YWHAQ: variants seen among roughly 807,000 people sequenced by gnomAD.
YWHAQ encodes 14-3-3 protein theta.
In YWHAQ, 6 loss-of-function variants were observed where a neutral mutation model predicts 28.3. The observed-to-expected ratio is 0.21, with a 90% CI of 0.12 to 0.42. YWHAQ has a LOEUF of 0.42. Among genes scored for constraint, YWHAQ ranks in the 10% least tolerant of loss-of-function variants. YWHAQ has a pLI of 1.00. For missense variants in YWHAQ, 201 were observed against 305.6 expected (o/e 0.66, Z 2.55); for synonymous variants, 143 against 119.1 (o/e 1.20, Z -1.31).
chr2:9,622,624 A>G (rs1378393631), intron 2 of YWHAQ, among the ~76,000 whole-genome samples: 6 of 152,236 alleles, frequency 3.9e-5, no homozygotes, highest in African/African-American at 1.4e-4. Context: ...GGGAATTTTA[A>G]AGGTACACAG....
At chr2:9,618,759 C>T (rs943178518) in intron 2 of YWHAQ, among the ~76,000 whole-genome samples, 1 of 151,774 alleles carries the variant, frequency 6.6e-6, no homozygotes, top group African/African-American at 2.4e-5. Context: ...AGCAATCCTC[C>T]CGTGTTAGCC....
chr2:9,617,822 G>A (rs894091058), intron 2 of YWHAQ, among the ~76,000 whole-genome samples: 7 of 151,964 alleles, frequency 4.6e-5, no homozygotes, highest in African/African-American at 1.5e-4. Context: ...AGCTATTTGG[G>A]AGGCTGAAGT....
rs1267913356 is a variant in YWHAQ at position 9,584,505 on chromosome 2, T to C, written c.*781A>G. 6.5e-6 allele frequency: 1 copy of C among 152,678 alleles called. No individual in the cohort carries two copies. The highest frequency in any genetic ancestry group is 1.5e-5 in the Non-Finnish European group (1 of 68,048). 9.5% of individuals were successfully genotyped at this position (152,678 alleles called of 1,614,324 possible). A position where few individuals can be genotyped will look rare whatever the true frequency, so the allele number is the denominator to read the frequency against. The stretch of plus-strand genomic sequence containing the variant: ...ACTTTAATTTATTTCCCCTTTCTAG[T>C]GTATTAAGAAATGACATGCACTTTA... On this transcript the variant is annotated 3_prime_UTR_variant, in exon 6 of 6. Transcript: ENST00000238081.
chr2:9,592,441 T>G (rs1304147611), intron 2 of YWHAQ, among the ~76,000 whole-genome samples: 1 of 152,042 alleles, frequency 6.6e-6, no homozygotes, highest in Non-Finnish European at 1.5e-5. Context: ...AAAACCTTTT[T>G]AGGGCCGGGC....
intron 2 of YWHAQ, among the ~76,000 whole-genome samples, chr2:9,606,863 C>T (rs1666840379): frequency 6.6e-6 from 1 of 151,738 alleles, no homozygotes; most frequent in South Asian, 2.1e-4. Context: ...GCCTGTCTGG[C>T]AACACAACTG....
intron 2 of YWHAQ, among the ~76,000 whole-genome samples, chr2:9,613,127 A>G (rs906228104): frequency 6.6e-6 from 1 of 152,214 alleles, no homozygotes; most frequent in African/African-American, 2.4e-5. Context: ...TCCTGATAAG[A>G]AGAGGGAAAA....
intron 2 of YWHAQ, among the ~76,000 whole-genome samples, chr2:9,601,040 T>C (rs540348660): frequency 2.0e-5 from 3 of 152,388 alleles, no homozygotes; most frequent in Non-Finnish European, 2.9e-5. Flanking sequence ...ACTTGCTTTA[T>C]TGAGATAATT....
At chr2:9,585,434 G>C in intron 5 of YWHAQ, 89 bp from the exon 6 acceptor site, 1 of 1,424,160 alleles carries the variant, frequency 7.0e-7, no homozygotes, top group Non-Finnish European at 9.8e-7. Flanking sequence ...AACTACAAGA[G>C]TAGTAAATTC....
intron 2 of YWHAQ, among the ~76,000 whole-genome samples, chr2:9,600,207 T>C (rs1666661270): frequency 1.3e-5 from 2 of 152,198 alleles, no homozygotes; most frequent in East Asian, 3.9e-4. Context: ...TTGCTTCTCA[T>C]GGATGAGCAA....
chr2:9,597,646 A>G (rs1666599933), intron 2 of YWHAQ, among the ~76,000 whole-genome samples: 1 of 151,300 alleles, frequency 6.6e-6, no homozygotes, highest in South Asian at 2.1e-4. Flanking sequence ...AAAAAAAAAA[A>G]AAAAAAAGAA....
chr2:9,589,238 T>G (rs145933139), intron 3 of YWHAQ, among the ~76,000 whole-genome samples: 38 of 152,328 alleles, frequency 2.5e-4, no homozygotes, highest in African/African-American at 8.7e-4. Context: ...TAAAACTATT[T>G]TCTTATTTTA....
At chr2:9,585,912 CAAAAA>C (rs34640890) in intron 5 of YWHAQ, among the ~76,000 whole-genome samples, 11 of 122,116 alleles carry the variant, frequency 9.0e-5, no homozygotes, top group Non-Finnish European at 6.9e-5. Flanking sequence ...GATCCTTTCT[CAAAAA>C]AAAAAAAAAA....
At chr2:9,597,902 C>T (rs1666607627) in intron 2 of YWHAQ, among the ~76,000 whole-genome samples, 1 of 151,298 alleles carries the variant, frequency 6.6e-6, no homozygotes, top group South Asian at 2.1e-4. Flanking sequence ...TCACCGCAAC[C>T]TCTGCCTCCC....
At chr2:9,602,829 TAAAAAAAAAAAAAAAAAAAAAAAAAAAAA>T (rs869073430) in intron 2 of YWHAQ, among the ~76,000 whole-genome samples, 24 of 37,218 alleles carry the variant, frequency 6.4e-4, no homozygotes, top group African/African-American at 2.0e-3. Flanking sequence ...ATGCCTAATT[TAAAAAAAAAAAAAAAAAAAAAAAAAAAAA>T]AAAAATATAT....
chr2:9,630,321 G>A lies in YWHAQ; in HGVS notation c.132C>T (p.Leu44=), dbSNP rs1206553784. 3.1e-6 allele frequency: 5 copies of A among 1,614,176 alleles called. No homozygotes were observed. The highest frequency in any genetic ancestry group is 2.2e-5 in the South Asian group (2 of 91,088). Residue 44 remains leucine, a synonymous_variant, in exon 2 of 6, where the codon CTC becomes CTT. Transcript: ENST00000238081. The surrounding 1 kb of genome is among the most constrained non-coding windows in gnomAD (Gnocchi z 5.6). ...AELSNEERNL[L]SVAYKNVVGG... ...CGACCACGTTCTTGTAGGCCACGGAGAGCAGGTTGCGCTCCTCGTTGGACA... is the reference window on the plus strand; with the variant it reads ...CGACCACGTTCTTGTAGGCCACGGAAAGCAGGTTGCGCTCCTCGTTGGACA...
At chr2:9,628,507 C>A (rs776752522) in intron 2 of YWHAQ, among the ~76,000 whole-genome samples, 1 of 152,178 alleles carries the variant, frequency 6.6e-6, no homozygotes, top group African/African-American at 2.4e-5. Flanking sequence ...AAAAATCACG[C>A]GGTGATTCTG....
intron 2 of YWHAQ, among the ~76,000 whole-genome samples, chr2:9,624,525 G>C (rs920297261): frequency 6.6e-6 from 1 of 152,048 alleles, no homozygotes; most frequent in Non-Finnish European, 1.5e-5. Flanking sequence ...ATTGGCATGG[G>C]GGGGGCTGGG....
chr2:9,608,875 G>T (rs1005045261), intron 2 of YWHAQ, among the ~76,000 whole-genome samples: 3 of 152,088 alleles, frequency 2.0e-5, no homozygotes, highest in African/African-American at 7.2e-5. Flanking sequence ...AGGAGGTACA[G>T]GTTTGCAGTG....
chr2:9,615,768 G>T (rs958314235), intron 2 of YWHAQ, among the ~76,000 whole-genome samples: 3 of 152,128 alleles, frequency 2.0e-5, no homozygotes, highest in Middle Eastern at 3.2e-3. Context: ...GAAGAACAGG[G>T]TCCTGTAAAG....
Sources: allele counts gnomAD v4.1 joint callset (sites outside exome capture counted in the v4.1 genomes callset), GRCh38; gene constraint gnomAD v4.1.1; non-coding constraint Gnocchi (gnomAD v3.1); transcripts MANE v1.5; gene names NCBI Gene and HGNC (gene_info 2026-07-23, HGNC 2026-07-21).